The following IGF1R variants were observed in gnomAD, a reference collection of about 807,000 sequenced individuals.
IGF1R encodes insulin like growth factor 1 receptor, also known as insulin-like growth factor 1 receptor.
Under a neutral mutation model 144.6 loss-of-function variants are expected in IGF1R, and 44 were observed. The observed-to-expected ratio is 0.30, with a 90% confidence interval of 0.24 to 0.39. The LOEUF (loss-of-function observed/expected upper bound fraction) is 0.39. Among genes scored for constraint, IGF1R ranks in the 10% least tolerant of loss-of-function variants. IGF1R has a pLI of 1.00. For missense variants in IGF1R, 1,355 were observed against 1,833.7 expected, an observed-to-expected ratio of 0.74 and a Z score of 4.77; for synonymous variants, 795 against 722.8, an observed-to-expected ratio of 1.10 and a Z score of -1.60.
At chr15:98,660,891 G>C (rs1045304814) in intron 1 of IGF1R, among the ~76,000 whole-genome samples, 2 of 152,150 alleles carry the variant, frequency 1.3e-5, no homozygotes, top group Non-Finnish European at 2.9e-5. Flanking sequence ...GGTTCCTGAG[G>C]AGGAAGCATC....
intron 1 of IGF1R, among the ~76,000 whole-genome samples, chr15:98,664,015 G>T (rs1453284844): frequency 6.6e-6 from 1 of 152,180 alleles, no homozygotes; most frequent in African/African-American, 2.4e-5. Flanking sequence ...TGCCTGTTCT[G>T]CCACTGTAAC....
chr15:98,822,257 C>T (rs2684763), intron 2 of IGF1R, among the ~76,000 whole-genome samples: 2 of 152,066 alleles, frequency 1.3e-5, no homozygotes, highest in African/African-American at 4.8e-5. Context: ...GCACAGTCCT[C>T]GCCCTACCTC....
intron 2 of IGF1R, among the ~76,000 whole-genome samples, chr15:98,788,106 C>G (rs1345315815): frequency 1.4e-5 from 2 of 147,632 alleles, no homozygotes; most frequent in Non-Finnish European, 3.0e-5. Flanking sequence ...ATAGTGATTT[C>G]TCTAAGTTAA....
At chr15:98,674,269 G>A (rs999279427) in intron 1 of IGF1R, among the ~76,000 whole-genome samples, 1 of 152,188 alleles carries the variant, frequency 6.6e-6, no homozygotes, top group African/African-American at 2.4e-5. Flanking sequence ...TTTTGGAGGA[G>A]AAACTGTTAG....
intron 1 of IGF1R, among the ~76,000 whole-genome samples, chr15:98,693,853 G>A (rs1019549274): frequency 6.6e-6 from 1 of 152,152 alleles, no homozygotes; most frequent in African/African-American, 2.4e-5. Context: ...CAGTGCGCCT[G>A]CCTCAGCCTC....
At chr15:98,656,948 A>G (rs557744902) in intron 1 of IGF1R, among the ~76,000 whole-genome samples, 46 of 152,220 alleles carry the variant, frequency 3.0e-4, no homozygotes, top group Non-Finnish European at 3.1e-4. Flanking sequence ...AATAAATACC[A>G]CTTTAAAAAT....
chr15:98,869,737 G>A (rs2012679638), intron 2 of IGF1R, among the ~76,000 whole-genome samples: 2 of 152,174 alleles, frequency 1.3e-5, no homozygotes, highest in South Asian at 4.1e-4. Context: ...ACTCCCTTGA[G>A]ATTCTTGTAA....
At chr15:98,750,056 A>G (rs925908970) in intron 2 of IGF1R, among the ~76,000 whole-genome samples, 1 of 152,188 alleles carries the variant, frequency 6.6e-6, no homozygotes, top group Non-Finnish European at 1.5e-5. Context: ...AGGGAATTGC[A>G]TATAGCAATA....
Position 98,863,064 on chromosome 15 carries a change from T to C in IGF1R, c.641-28261T>C, listed in dbSNP as rs1242372452. ...CTACCTGGCATTTATTGTGTTCAGT[T>C]TTTCTAATTCTGGGACGTTTTCCTG... is the stretch of plus-strand genomic sequence containing the variant. On this transcript the variant is annotated intron_variant, in intron 2 of 20. Coordinates refer to ENST00000650285, the MANE Select transcript of IGF1R (RefSeq NM_000875.5). Among the ~76,000 whole-genome samples the C allele has an allele frequency of 2.0e-5, 3 of 152,366 alleles. No homozygotes were observed. In the East Asian group the frequency reaches 5.8e-4, roughly 29 times the overall value.
chr15:98,827,364 T>C (rs970123580), intron 2 of IGF1R, among the ~76,000 whole-genome samples: 10 of 152,140 alleles, frequency 6.6e-5, no homozygotes, highest in African/African-American at 2.4e-4. Context: ...ACCCCTTAGC[T>C]CAGGGAGCTT....
chr15:98,957,523 C>G lies in IGF1R; in HGVS notation c.*81C>G. 1 of 1,577,092 alleles carries G rather than the reference C, an allele frequency of 6.3e-7. No individual in the cohort carries two copies. Among genetic ancestry groups the G allele is most frequent in the Non-Finnish European group, 8.7e-7 (1 of 1,152,624 alleles). On this transcript the variant is annotated 3_prime_UTR_variant, in exon 21 of 21. Coordinates refer to ENST00000650285, the MANE Select transcript of IGF1R (RefSeq NM_000875.5). Reference sequence around the variant, plus strand: ...GGGGGGGAGAGAGAGTTTTAACAATCCATTCACAAGCCTCCTGTACCTCAG... The same window carrying G: ...GGGGGGGAGAGAGAGTTTTAACAATGCATTCACAAGCCTCCTGTACCTCAG...
chr15:98,859,170 A>G (rs569720178), intron 2 of IGF1R, among the ~76,000 whole-genome samples: 1 of 152,274 alleles, frequency 6.6e-6, no homozygotes, highest in Non-Finnish European at 1.5e-5. Context: ...TACAAAGCCC[A>G]TGTATATTGA....
intron 2 of IGF1R, among the ~76,000 whole-genome samples, chr15:98,738,318 C>A (rs895488700): frequency 6.6e-6 from 1 of 152,206 alleles, no homozygotes; most frequent in Non-Finnish European, 1.5e-5. Flanking sequence ...CTGTTGGTGT[C>A]AGGCACACAC....
At chr15:98,944,972 G>A (rs976130097) in intron 19 of IGF1R, among the ~76,000 whole-genome samples, 1 of 152,236 alleles carries the variant, frequency 6.6e-6, no homozygotes, top group African/African-American at 2.4e-5. Flanking sequence ...TCATCGAAGA[G>A]GTGTGTCTGT....
chr15:98,857,206 CTTTA>C (rs748415512), intron 2 of IGF1R, among the ~76,000 whole-genome samples: 44 of 152,032 alleles, frequency 2.9e-4, no homozygotes, highest in Non-Finnish European at 5.4e-4. Context: ...TTGTGTACAT[CTTTA>C]TTTATTTATT....
chr15:98,924,489 T>A (rs1036367329), intron 12 of IGF1R, 36 bp from the exon 13 acceptor site: 1 of 1,611,144 alleles, frequency 6.2e-7, no homozygotes, highest in Middle Eastern at 1.7e-4. Context: ...TCTCCTGCAT[T>A]CATGGGAAAT....
chr15:98,708,824 G>T (rs533212114), intron 2 of IGF1R, among the ~76,000 whole-genome samples: 5 of 152,180 alleles, frequency 3.3e-5, no homozygotes, highest in South Asian at 4.1e-4. Flanking sequence ...CTGAACAGTT[G>T]TGAAAATCTT....
chr15:98,900,906 G>C (rs1486305911), intron 5 of IGF1R: 1 of 151,730 alleles, frequency 6.6e-6, no homozygotes, highest in East Asian at 1.9e-4. Context: ...AAATTTTCTT[G>C]TTGCTTAATG....
chr15:98,859,264 C>T (rs932404476), intron 2 of IGF1R, among the ~76,000 whole-genome samples: 3 of 152,060 alleles, frequency 2.0e-5, no homozygotes, highest in East Asian at 3.9e-4. Flanking sequence ...TTGCAACAGC[C>T]GATGAGGTAG....
Sources: allele counts gnomAD v4.1 joint callset (sites outside exome capture counted in the v4.1 genomes callset), GRCh38; gene constraint gnomAD v4.1.1; transcripts MANE v1.5; gene names NCBI Gene and HGNC (gene_info 2026-07-23, HGNC 2026-07-21).